Variants in GATA4 observed in about 807,000 individuals in gnomAD.
GATA4 encodes the protein transcription factor GATA-4.
A neutral mutation model predicts 37.9 loss-of-function variants in GATA4; 7 were observed. The ratio of observed to expected loss-of-function variants is 0.18; its 90% CI spans 0.11 to 0.35. GATA4 has a LOEUF of 0.35. Among genes scored for constraint, GATA4 ranks in the 10% least tolerant of loss-of-function variants. The probability of loss-of-function intolerance (pLI) is 1.00; values close to 1 mark genes in which losing one functional copy is unlikely to be tolerated. For synonymous variants in GATA4, 372 were observed against 292.6 expected, an observed-to-expected ratio of 1.27 and a Z score of -2.77; for missense variants, 647 against 653.0, an observed-to-expected ratio of 0.99 and a Z score of 0.10.
chr8:11,693,562 C>CACACACACACACAG (rs1405047773), intron 1 of GATA4, among the ~76,000 whole-genome samples: 1 of 72,146 alleles, frequency 1.4e-5, no homozygotes, highest in African/African-American at 5.1e-5. Context: ...CACACACACA[C>CACACACACACACAG]AGAGAGAGAG....
intron 2 of GATA4, among the ~76,000 whole-genome samples, chr8:11,714,567 G>A (rs994011630): frequency 6.6e-6 from 1 of 152,200 alleles, no homozygotes; most frequent in Admixed American, 6.5e-5. Flanking sequence ...CAGAGTTGGG[G>A]TTGGTCTGTG....
chr8:11,746,278 G>A (rs996678790), intron 2 of GATA4, among the ~76,000 whole-genome samples: 5 of 152,090 alleles, frequency 3.3e-5, no homozygotes, highest in Non-Finnish European at 7.4e-5. Context: ...ACTGAGGCAG[G>A]AGTATCTCTT....
Position 11,709,421 on chromosome 8 carries a change from A to T in GATA4, c.616+493A>T, listed in dbSNP as rs1291784664. ...GGCCATTTGGCGGCCCAGCTGGAGGATCCCTCGGGGTAGCTGATGATTTTC... is the reference window on the plus strand; with the variant it reads ...GGCCATTTGGCGGCCCAGCTGGAGGTTCCCTCGGGGTAGCTGATGATTTTC... On this transcript the variant is annotated intron_variant, in intron 2 of 6. Coordinates refer to ENST00000532059, the MANE Select transcript of GATA4 (RefSeq NM_001308093.3). This position sits in a 1 kb window ranked among gnomAD's most constrained non-coding sequence, Gnocchi z 4.3. Among the ~76,000 whole-genome samples, 3 of 152,168 alleles carry T rather than the reference A, an allele frequency of 2.0e-5. No homozygotes were observed. Among genetic ancestry groups the T allele is most frequent in the African/African-American group, 7.2e-5 (3 of 41,522 alleles).
At chr8:11,686,256 A>G (rs935120828) in intron 1 of GATA4, among the ~76,000 whole-genome samples, 3 of 151,814 alleles carry the variant, frequency 2.0e-5, no homozygotes, top group African/African-American at 4.8e-5. Flanking sequence ...ATCCCAGTCA[A>G]CAGAAGATAA....
chr8:11,676,943 C>G (rs751618294), upstream of GATA4: 9 of 152,162 alleles, frequency 5.9e-5, no homozygotes, highest in Admixed American at 2.0e-4. Context: ...TCAGAGGGAG[C>G]TGGGAGACAC....
rs537425415 is a variant in GATA4, at chr8:11,717,870, C to T, written c.616+8942C>T. Among the ~76,000 whole-genome samples, 55 of 152,280 alleles carry T rather than the reference C, an allele frequency of 3.6e-4. 1 individual carries two copies. The South Asian group carries it at 0.01, about 28-fold the overall frequency. ...GTGTTGCACAAACTTCCTTTCTAGC[C>T]GTTGGATTCTGGTGTGCAGAGAACT... On this transcript the variant is annotated intron_variant, in intron 2 of 6. Transcript: ENST00000532059.
upstream of GATA4, chr8:11,692,552 T>A: frequency 1.0e-6 from 1 of 985,440 alleles, no homozygotes; most frequent in Non-Finnish European, 1.2e-6. Flanking sequence ...TTGAATCTGA[T>A]CCTTCGGGCC....
chr8:11,748,775 A>T, intron 2 of GATA4, 141 bp from the exon 3 acceptor site: 1 of 916,180 alleles, frequency 1.1e-6, no homozygotes, highest in Non-Finnish European at 1.8e-6. Flanking sequence ...AGTGAGGAAG[A>T]GCAAGAGCAG....
At chr8:11,686,800 C>A (rs1799150721) in intron 1 of GATA4, among the ~76,000 whole-genome samples, 1 of 152,154 alleles carries the variant, frequency 6.6e-6, no homozygotes, top group Non-Finnish European at 1.5e-5. Flanking sequence ...GAGTTCGAGA[C>A]CAGCCTGACC....
At chr8:11,746,848 G>T (rs1264076020) in intron 2 of GATA4, among the ~76,000 whole-genome samples, 1 of 152,220 alleles carries the variant, frequency 6.6e-6, no homozygotes, top group Non-Finnish European at 1.5e-5. Flanking sequence ...CCTGTGCTCC[G>T]CTCCCTGGCC....
chr8:11,710,120 T>A (rs1172485767), intron 2 of GATA4, among the ~76,000 whole-genome samples: 1 of 152,058 alleles, frequency 6.6e-6, no homozygotes, highest in Non-Finnish European at 1.5e-5. Context: ...GAAGCGCTTT[T>A]AAATTGTCCT....
At chr8:11,706,677 G>A (rs1003116126) in intron 1 of GATA4, among the ~76,000 whole-genome samples, 1 of 152,156 alleles carries the variant, frequency 6.6e-6, no homozygotes, top group Non-Finnish European at 1.5e-5. Flanking sequence ...AACTTTGTCG[G>A]GAGTAGTTGC....
rs536174974 is a variant in GATA4, at chr8:11,705,314, G to T, written c.-458+1010G>T. ...GAGGTGATGCTCCGCACACGTCTGTGTCTCCTCCCCTGCTGCGGCCGGCTT... is the reference window on the plus strand; with the variant it reads ...GAGGTGATGCTCCGCACACGTCTGTTTCTCCTCCCCTGCTGCGGCCGGCTT... On this transcript the variant is annotated intron_variant, in intron 1 of 6. Transcript: ENST00000532059. Among the ~76,000 whole-genome samples, 6 of 152,256 alleles carry T rather than the reference G, an allele frequency of 3.9e-5. No individual in the cohort carries two copies. In the East Asian group the frequency reaches 7.7e-4, roughly 20 times the overall value.
upstream of GATA4, among the ~76,000 whole-genome samples, chr8:11,701,098 C>T (rs954163569): frequency 6.6e-6 from 1 of 152,176 alleles, no homozygotes; most frequent in East Asian, 1.9e-4. Flanking sequence ...TGGACCAGCT[C>T]AAGTCCCAAG....
intron 1 of GATA4, chr8:11,683,044 G>T: frequency 1.0e-6 from 1 of 985,276 alleles, no homozygotes; most frequent in Non-Finnish European, 1.2e-6. Context: ...GGGGTTTCTC[G>T]ACAGCTCTCT....
intron 2 of GATA4, among the ~76,000 whole-genome samples, chr8:11,713,778 T>C (rs2130105021): frequency 6.6e-6 from 1 of 152,348 alleles, no homozygotes; most frequent in East Asian, 1.9e-4. Flanking sequence ...GTCTTCATCA[T>C]AAACTCCTGG....
intron 2 of GATA4, among the ~76,000 whole-genome samples, chr8:11,738,503 A>G (rs961150318): frequency 1.3e-5 from 2 of 152,252 alleles, no homozygotes; most frequent in Non-Finnish European, 2.9e-5. Flanking sequence ...GTTTATGGCT[A>G]CATAGTGTGC....
At chr8:11,685,017 C>G (rs1406063445) in intron 1 of GATA4, among the ~76,000 whole-genome samples, 1 of 152,038 alleles carries the variant, frequency 6.6e-6, no homozygotes, top group African/African-American at 2.4e-5. Flanking sequence ...GAAATTTACC[C>G]TCAGGAAATA....
intron 2 of GATA4, among the ~76,000 whole-genome samples, chr8:11,722,078 G>A (rs1800702086): frequency 6.6e-6 from 1 of 152,062 alleles, no homozygotes; most frequent in Non-Finnish European, 1.5e-5. Context: ...TAACTCCTGG[G>A]CTTAAGCGAT....
Sources: allele counts gnomAD v4.1 joint callset (sites outside exome capture counted in the v4.1 genomes callset), GRCh38; gene constraint gnomAD v4.1.1; non-coding constraint Gnocchi (gnomAD v3.1); transcripts MANE v1.5; gene names NCBI Gene and HGNC (gene_info 2026-07-23, HGNC 2026-07-21).